Variants in MPHOSPH10 observed in about 807,000 individuals in gnomAD.
The protein encoded by MPHOSPH10 is U3 small nucleolar ribonucleoprotein MPP10.
Under a neutral mutation model 77.3 loss-of-function variants are expected in MPHOSPH10, and 33 were observed. That is an observed-to-expected ratio of 0.43 (90% CI 0.32 to 0.57). MPHOSPH10 has a LOEUF of 0.57. Ranked by LOEUF, MPHOSPH10 falls within the 20% of genes least tolerant of loss-of-function variation. The pLI is 0.07. For missense variants in MPHOSPH10, 708 were observed against 780.1 expected, an observed-to-expected ratio of 0.91 and a Z score of 1.10; for synonymous variants, 245 against 268.0, an observed-to-expected ratio of 0.91 and a Z score of 0.84.
chr2:71,134,159 GT>G, intron 3 of MPHOSPH10, 54 bp downstream of exon 3: 1 of 1,509,690 alleles, frequency 6.6e-7, no homozygotes, highest in Non-Finnish European at 9.0e-7. Flanking sequence ...CCAATCATGT[GT>G]GTGTACTCGT....
intron 5 of MPHOSPH10, chr2:71,138,911 A>G: frequency 1.7e-6 from 1 of 595,278 alleles, no homozygotes; most frequent in East Asian, 2.8e-5. Context: ...GGCAGATTTC[A>G]GAATCCCATC....
In MPHOSPH10 at chr2:71,148,865, GA is replaced by G. The variant is rs376739549; in HGVS notation, c.1666-357del. On this transcript the variant is annotated intron_variant, in intron 9 of 10. Coordinates refer to ENST00000244230, the MANE Select transcript of MPHOSPH10 (RefSeq NM_005791.3). ...TCCAGTTGCTGTCATTAGCAGCTCAGAGCTGAGGCTGCCTCTGGCATGTCCC... is the reference window on the plus strand; with the variant it reads ...TCCAGTTGCTGTCATTAGCAGCTCAGGCTGAGGCTGCCTCTGGCATGTCCC... 156 of 267,756 alleles carry G rather than the reference GA, an allele frequency of 5.8e-4. 1 individual carries two copies. In the Middle Eastern group the frequency reaches 7.7e-3, roughly 13 times the overall value. 16.6% of individuals were successfully genotyped at this position (267,756 alleles called of 1,614,324 possible).
intron 4 of MPHOSPH10, among the ~76,000 whole-genome samples, chr2:71,136,514 G>GA (rs1308799895): frequency 6.7e-6 from 1 of 150,218 alleles, no homozygotes; most frequent in East Asian, 1.9e-4. Context: ...GAGACTGTCT[G>GA]AAAAAATTAA....
At chr2:71,147,458 G>A (rs1572901854) in intron 8 of MPHOSPH10, among the ~76,000 whole-genome samples, 1 of 152,144 alleles carries the variant, frequency 6.6e-6, no homozygotes, top group East Asian at 1.9e-4. Flanking sequence ...CAGATCACGA[G>A]GTCAGGAGAT....
chr2:71,141,407 G>T (rs1673609526), intron 7 of MPHOSPH10, 38 bp downstream of exon 7: 3 of 1,432,776 alleles, frequency 2.1e-6, no homozygotes, highest in African/African-American at 1.5e-5. Context: ...TATTATTAAA[G>T]AAATAGAAGT....
At position 71,130,661 on chromosome 2, in the gene MPHOSPH10, C is replaced by A. The variant is rs368642773; in HGVS notation, c.-5C>A. ...GCTGCATTGTGTCGGGAGTTGCTGA[C>A]AGCCATGGCGCCGCAGGTCTGGCGT... On this transcript the variant is annotated 5_prime_UTR_variant, in exon 1 of 11. Coordinates refer to ENST00000244230, the MANE Select transcript of MPHOSPH10 (RefSeq NM_005791.3). 2 of 1,606,276 alleles carry A rather than the reference C, an allele frequency of 1.2e-6. No homozygotes were observed. The highest frequency in any genetic ancestry group is 8.5e-7 in the Non-Finnish European group (1 of 1,176,758).
At chr2:71,144,148 T>C (rs1673662951) in intron 7 of MPHOSPH10, 1 of 220,960 alleles carries the variant, frequency 4.5e-6, no homozygotes. Flanking sequence ...ATCTTAGGAA[T>C]AGCTTAGTTT....
In MPHOSPH10 at chr2:71,149,340, C is replaced by T. The variant is rs771463759; in HGVS notation, c.1783C>T (p.Arg595Trp). Reference sequence around the variant, plus strand: ...TATGAAAATAAAAGAGAAGGAGAAGCGGAGAAAACTGCTTGAAAAGAGCAG... The same window carrying T: ...TATGAAAATAAAAGAGAAGGAGAAGTGGAGAAAACTGCTTGAAAAGAGCAG... ...KRMKIKEKEK[R>W]RKLLEKSSVD... The change falls in exon 10 of 11, where the codon CGG becomes TGG. Residue 595 changes from arginine to tryptophan, a missense_variant. Physicochemically the swap from Arg to Trp is moderately radical, Grantham distance 101. Coordinates refer to ENST00000244230, the MANE Select transcript of MPHOSPH10 (RefSeq NM_005791.3). 4.6e-5 allele frequency: 75 copies of T among 1,613,648 alleles called. No individual in the cohort carries two copies. Among genetic ancestry groups the T allele is most frequent in the Non-Finnish European group, 5.8e-5 (69 of 1,179,850 alleles).
At chr2:71,136,880 A>G (rs1673503041) in intron 4 of MPHOSPH10, among the ~76,000 whole-genome samples, 1 of 137,606 alleles carries the variant, frequency 7.3e-6, no homozygotes, top group South Asian at 2.3e-4. Flanking sequence ...CTGTTAGGTC[A>G]TGAAAACCCA....
rs1453204392 is a variant in MPHOSPH10 at position 71,144,631 on chromosome 2, A to G, written c.1557+93A>G. On this transcript the variant is annotated intron_variant, in intron 8 of 10. Transcript: ENST00000244230. The stretch of plus-strand genomic sequence containing the variant: ...GACTAGCTCTTTATTTTGTTTCAGG[A>G]TACAAACTTGTAGTTTGCTGTAAAT... 5 of 973,178 alleles carry G rather than the reference A, an allele frequency of 5.1e-6. No homozygotes were observed. The African/African-American group carries it at 6.6e-5, about 13-fold the overall frequency. 60.3% of individuals were successfully genotyped at this position (973,178 alleles called of 1,614,324 possible). A position where few individuals can be genotyped will look rare whatever the true frequency, so the allele number is the denominator to read the frequency against.
chr2:71,146,964 G>T (rs1189882673), intron 8 of MPHOSPH10, among the ~76,000 whole-genome samples: 1 of 152,154 alleles, frequency 6.6e-6, no homozygotes, highest in Non-Finnish European at 1.5e-5. Flanking sequence ...TTCTTGGGTA[G>T]TTCTTTCAAA....
Position 71,134,685 on chromosome 2 carries a change from A to G in MPHOSPH10, c.986A>G (p.Lys329Arg). ...EDNKQHKESL[K>R]RVTFALPDDA... The stretch of plus-strand genomic sequence containing the variant: ...AATAAACAACATAAAGAAAGCTTGA[A>G]AAGAGTGACCTTTGCTTTACCAGAT... Residue 329 changes from lysine to arginine, a missense_variant, in exon 4 of 11, where the codon AAA (lysine) becomes AGA (arginine). Coordinates refer to ENST00000244230, the MANE Select transcript of MPHOSPH10 (RefSeq NM_005791.3). 2 of 1,612,166 alleles carry G rather than the reference A, an allele frequency of 1.2e-6. No homozygotes were observed. The highest frequency in any genetic ancestry group is 1.1e-5 in the South Asian group (1 of 90,622).
intron 1 of MPHOSPH10, 45 bp downstream of exon 1, chr2:71,130,799 G>A: frequency 1.3e-6 from 2 of 1,549,132 alleles, no homozygotes; most frequent in Non-Finnish European, 8.8e-7. Flanking sequence ...GGGGTCTCAC[G>A]TGGACGCGGG....
chr2:71,136,926 A>G (rs1410974057), intron 4 of MPHOSPH10, among the ~76,000 whole-genome samples: 2 of 140,254 alleles, frequency 1.4e-5, no homozygotes, highest in Non-Finnish European at 3.1e-5. Context: ...ACACACACAC[A>G]CACACACACA....
chr2:71,137,890 C>T (rs1019221884), intron 4 of MPHOSPH10, among the ~76,000 whole-genome samples: 1 of 152,016 alleles, frequency 6.6e-6, no homozygotes, highest in African/African-American at 2.4e-5. Flanking sequence ...TGGTGGCTCA[C>T]GCCTGTAATC....
chr2:71,138,062 A>G (rs572265977), intron 4 of MPHOSPH10, among the ~76,000 whole-genome samples: 104 of 152,332 alleles, frequency 6.8e-4, no homozygotes, highest in African/African-American at 2.3e-3. Flanking sequence ...ACTCCAGCCT[A>G]GGCGACAGAG....
chr2:71,138,097 TA>T (rs995466233), intron 4 of MPHOSPH10, among the ~76,000 whole-genome samples: 4 of 152,028 alleles, frequency 2.6e-5, no homozygotes. Flanking sequence ...AAAAAAATTT[TA>T]AAAAAAGAAG....
intron 1 of MPHOSPH10, among the ~76,000 whole-genome samples, chr2:71,131,792 G>T (rs567551775): frequency 2.6e-5 from 4 of 152,304 alleles, no homozygotes; most frequent in Non-Finnish European, 5.9e-5. Context: ...GTAGGGCAGG[G>T]ACAAGTCACA....
chr2:71,133,709 T>G, intron 2 of MPHOSPH10, 133 bp downstream of exon 2: 1 of 1,070,306 alleles, frequency 9.3e-7, no homozygotes, highest in African/African-American at 1.6e-5. Flanking sequence ...CAGTTATAAA[T>G]GAATCTGTAC....
Sources: allele counts gnomAD v4.1 joint callset (sites outside exome capture counted in the v4.1 genomes callset), GRCh38; gene constraint gnomAD v4.1.1; transcripts MANE v1.5; gene names NCBI Gene and HGNC (gene_info 2026-07-23, HGNC 2026-07-21).